Variants in VPS8 observed in about 807,000 individuals in gnomAD.
VPS8 encodes the protein VPS8 subunit of CORVET complex.
In VPS8, 129 loss-of-function variants were observed where a neutral mutation model predicts 216.4. The ratio of observed to expected loss-of-function variants is 0.60; its 90% CI spans 0.52 to 0.69. The LOEUF (loss-of-function observed/expected upper bound fraction) is 0.69. Ranked by LOEUF, VPS8 falls within the 30% of genes least tolerant of loss-of-function variation. VPS8 has a pLI of 0.00. For missense variants in VPS8, 1,531 were observed against 1,683.5 expected (o/e 0.91, Z 1.59); for synonymous variants, 571 against 565.4 (o/e 1.01, Z -0.14).
chr3:184,981,428 CTTTTTTTTTTTT>C (rs67454758), intron 40 of VPS8, among the ~76,000 whole-genome samples: 3 of 68,522 alleles, frequency 4.4e-5, no homozygotes, highest in African/African-American at 1.5e-4. Context: ...GCAGTGGGTT[CTTTTTTTTTTTT>C]TTTTTTTTTT....
At chr3:184,850,423 G>A (rs976432061) in intron 10 of VPS8, among the ~76,000 whole-genome samples, 1 of 152,164 alleles carries the variant, frequency 6.6e-6, no homozygotes, top group Admixed American at 6.5e-5. Flanking sequence ...TGCTGAGGTG[G>A]TGTGCTCTGT....
chr3:184,944,760 T>C (rs1318736621), intron 36 of VPS8, among the ~76,000 whole-genome samples: 1 of 152,160 alleles, frequency 6.6e-6, no homozygotes, highest in Non-Finnish European at 1.5e-5. Context: ...CAAAGTAAAG[T>C]AAAAATTGAA....
chr3:184,926,138 G>A (rs1267556581), intron 30 of VPS8, among the ~76,000 whole-genome samples: 1 of 150,764 alleles, frequency 6.6e-6, no homozygotes, highest in Non-Finnish European at 1.5e-5. Context: ...CACTTTGGGA[G>A]GCCGAGGCGG....
At chr3:184,943,772 T>C (rs1050198782) in intron 36 of VPS8, among the ~76,000 whole-genome samples, 4 of 152,222 alleles carry the variant, frequency 2.6e-5, no homozygotes, top group African/African-American at 9.6e-5. Flanking sequence ...AGGATTCTCA[T>C]TCTTGTATGT....
chr3:184,898,013 T>C (rs1733827185), intron 23 of VPS8, among the ~76,000 whole-genome samples: 1 of 152,042 alleles, frequency 6.6e-6, no homozygotes, highest in Non-Finnish European at 1.5e-5. Context: ...TGTTGTTCCT[T>C]TAGGGGTGAC....
intron 3 of VPS8, among the ~76,000 whole-genome samples, chr3:184,828,061 A>T (rs1719181122): frequency 6.6e-6 from 1 of 152,228 alleles, no homozygotes; most frequent in South Asian, 2.1e-4. Context: ...ATGTGGATGC[A>T]TATATTCTAT....
intron 42 of VPS8, 147 bp downstream of exon 42, chr3:184,983,241 C>A: frequency 1.6e-6 from 1 of 625,470 alleles, no homozygotes; most frequent in Non-Finnish European, 2.5e-6. Context: ...AAATATCTAA[C>A]TTCCGACCCT....
At chr3:185,042,998 C>T (rs1371009088) in intron 46 of VPS8, among the ~76,000 whole-genome samples, 1 of 152,058 alleles carries the variant, frequency 6.6e-6, no homozygotes, top group Non-Finnish European at 1.5e-5. Context: ...ACTTAGGTTC[C>T]CTCATCTAAT....
intron 21 of VPS8, among the ~76,000 whole-genome samples, chr3:184,871,036 G>C (rs1353823064): frequency 6.6e-6 from 1 of 152,230 alleles, no homozygotes; most frequent in East Asian, 1.9e-4. Context: ...GTGGCGTGTG[G>C]AAGGAAAGGA....
chr3:185,048,421 A>G (rs1713428194), intron 46 of VPS8, 58 bp from the exon 47 acceptor site: 16 of 1,545,702 alleles, frequency 1.0e-5, no homozygotes, highest in Non-Finnish European at 1.4e-5. Flanking sequence ...GTGTAGAGCA[A>G]GTTGAGAGGC....
intron 25 of VPS8, among the ~76,000 whole-genome samples, chr3:184,909,041 G>C (rs1040803494): frequency 6.6e-6 from 1 of 152,230 alleles, no homozygotes; most frequent in African/African-American, 2.4e-5. Flanking sequence ...CCTTCAGGCT[G>C]TTTTTTGGCT....
chr3:185,051,212 T>C (rs1183544962), intron 47 of VPS8, among the ~76,000 whole-genome samples: 1 of 152,156 alleles, frequency 6.6e-6, no homozygotes, highest in Non-Finnish European at 1.5e-5. Context: ...CCTTCTGTCC[T>C]CCTTGGCAGG....
chr3:184,949,802 C>T (rs1744323056), intron 36 of VPS8, among the ~76,000 whole-genome samples: 1 of 152,018 alleles, frequency 6.6e-6, no homozygotes, highest in Non-Finnish European at 1.5e-5. Context: ...TTTTAACTCA[C>T]AATGTGTATG....
At chr3:184,996,542 CAT>C in intron 44 of VPS8, 41 bp downstream of exon 44, 1 of 1,527,290 alleles carries the variant, frequency 6.5e-7, no homozygotes, top group South Asian at 1.3e-5. Context: ...GGTACATGTA[CAT>C]CTGTGGCATT....
chr3:184,963,795 G>A (rs777479668), intron 37 of VPS8, among the ~76,000 whole-genome samples: 52 of 152,000 alleles, frequency 3.4e-4, no homozygotes, highest in Non-Finnish European at 5.7e-4. Context: ...GTTATCCCCC[G>A]TTTGAATAAG....
intron 14 of VPS8, 121 bp downstream of exon 14, chr3:184,855,939 T>A: frequency 1.4e-6 from 1 of 716,004 alleles, no homozygotes; most frequent in Non-Finnish European, 2.2e-6. Flanking sequence ...GTGACCTATT[T>A]AATTTTTATC....
intron 36 of VPS8, among the ~76,000 whole-genome samples, chr3:184,954,795 TAAAGA>T (rs1167684227): frequency 1.8e-4 from 28 of 152,188 alleles, no homozygotes; most frequent in African/African-American, 6.8e-4. Context: ...TTCAGTATAA[TAAAGA>T]AAATAGTTAA....
chr3:185,014,348 A>T (rs909476861), intron 45 of VPS8, among the ~76,000 whole-genome samples: 4 of 152,110 alleles, frequency 2.6e-5, no homozygotes, highest in African/African-American at 9.7e-5. Flanking sequence ...ATCAGTCTCG[A>T]CATGGCTGCA....
intron 25 of VPS8, among the ~76,000 whole-genome samples, chr3:184,903,292 C>T (rs1463003379): frequency 6.6e-6 from 1 of 151,906 alleles, no homozygotes; most frequent in Non-Finnish European, 1.5e-5. Flanking sequence ...TCTATATAAA[C>T]GTTAAAATCA....
Sources: allele counts gnomAD v4.1 joint callset (sites outside exome capture counted in the v4.1 genomes callset), GRCh38; gene constraint gnomAD v4.1.1; transcripts MANE v1.5; gene names NCBI Gene and HGNC (gene_info 2026-07-23, HGNC 2026-07-21).